Variants in ERC1 observed in about 807,000 individuals in gnomAD.
ERC1 encodes RAB6 interacting protein 2.
In ERC1, 56 loss-of-function variants were observed where a neutral mutation model predicts 132.0. The observed-to-expected ratio is 0.42, with a 90% confidence interval of 0.34 to 0.53. The LOEUF is 0.53. ERC1 is among the 20% of genes least tolerant of loss of function. ERC1 has a pLI of 0.03. For missense variants in ERC1, 1,202 were observed against 1,349.9 expected, an observed-to-expected ratio of 0.89 and a Z score of 1.72; for synonymous variants, 478 against 476.1, an observed-to-expected ratio of 1.00 and a Z score of -0.05.
intron 18 of ERC1, among the ~76,000 whole-genome samples, chr12:1,458,465 T>A (rs527808793): frequency 1.3e-5 from 2 of 152,206 alleles, no homozygotes; most frequent in East Asian, 3.9e-4. Context: ...GATTTAGATT[T>A]CTCTGTGTGT....
intron 15 of ERC1, among the ~76,000 whole-genome samples, chr12:1,354,160 T>C (rs1282315357): frequency 1.3e-5 from 2 of 152,102 alleles, no homozygotes; most frequent in South Asian, 2.1e-4. Flanking sequence ...CGGGTCCTGA[T>C]TGCAGGACTG....
chr12:1,397,339 C>G (rs951339738), intron 16 of ERC1, among the ~76,000 whole-genome samples: 1 of 152,094 alleles, frequency 6.6e-6, no homozygotes, highest in African/African-American at 2.4e-5. Flanking sequence ...TTCAAAAATA[C>G]AAAATAACAT....
At chr12:1,299,904 T>G (rs572674912) in intron 15 of ERC1, among the ~76,000 whole-genome samples, 34 of 152,302 alleles carry the variant, frequency 2.2e-4, no homozygotes, top group African/African-American at 7.7e-4. Flanking sequence ...AAAAATACAA[T>G]TTATTAAAAC....
Position 1,394,572 on chromosome 12 carries a change from TG to T in ERC1, c.2926-13572del, listed in dbSNP as rs551746425. Among the ~76,000 whole-genome samples the T allele has an allele frequency of 3.6e-3, 545 of 152,250 alleles. 1 individual carries two copies. The highest frequency in any genetic ancestry group is 0.013 in the African/African-American group (523 of 41,540). On this transcript the variant is annotated intron_variant, in intron 16 of 18. Coordinates refer to ENST00000360905, the MANE Select transcript of ERC1 (RefSeq NM_178040.4). ...AGGGGCCTGATGAGAGGTGATTGGA[TG>T]GGGGCAGCATTCCTCCCTGTTGTTC...
At chr12:1,457,621 T>G (rs949288870) in intron 18 of ERC1, among the ~76,000 whole-genome samples, 6 of 152,224 alleles carry the variant, frequency 3.9e-5, no homozygotes, top group African/African-American at 1.4e-4. Context: ...TCAACCATTT[T>G]TTTATACATT....
intron 17 of ERC1, among the ~76,000 whole-genome samples, chr12:1,432,174 A>T (rs1363051147): frequency 6.6e-6 from 1 of 152,200 alleles, no homozygotes; most frequent in Non-Finnish European, 1.5e-5. Context: ...GGCTTTGCAA[A>T]CTGTGTACTT....
intron 12 of ERC1, among the ~76,000 whole-genome samples, chr12:1,231,568 G>C (rs990534030): frequency 2.0e-5 from 3 of 152,006 alleles, no homozygotes; most frequent in East Asian, 3.9e-4. Context: ...TTTCAACTCA[G>C]CTCCCTTTAG....
chr12:1,424,135 A>G (rs564599050), intron 17 of ERC1, among the ~76,000 whole-genome samples: 1 of 152,200 alleles, frequency 6.6e-6, no homozygotes, highest in Non-Finnish European at 1.5e-5. Context: ...TCAGGAAGTT[A>G]GTTACCTCCA....
intron 15 of ERC1, among the ~76,000 whole-genome samples, chr12:1,368,161 G>A (rs1034863720): frequency 3.3e-5 from 5 of 151,696 alleles, no homozygotes; most frequent in South Asian, 2.1e-4. Context: ...CCCTTTCTGT[G>A]GATAGTCTTT....
chr12:1,141,305 A>G (rs1260898526), intron 7 of ERC1, among the ~76,000 whole-genome samples: 1 of 152,148 alleles, frequency 6.6e-6, no homozygotes, highest in Non-Finnish European at 1.5e-5. Context: ...TTCTAAAGCA[A>G]TGTAGCTTCA....
intron 8 of ERC1, among the ~76,000 whole-genome samples, chr12:1,157,119 G>T (rs1487757679): frequency 6.6e-6 from 1 of 151,768 alleles, no homozygotes; most frequent in Admixed American, 6.6e-5. Context: ...ATTTTTTTGA[G>T]AAAGGCTCTC....
chr12:1,141,718 T>A lies in ERC1; in HGVS notation c.1668T>A (p.Ala556=), dbSNP rs1173887017. Residue 556 remains alanine, a synonymous_variant, in exon 8 of 19, where the codon GCT becomes GCA. Coordinates refer to ENST00000360905, the MANE Select transcript of ERC1 (RefSeq NM_178040.4). ...QDMAEEKGTQ[A]GEIHDLKDML... ...TGGCTGAAGAGAAGGGGACACAAGC[T>A]GGAGAGATACATGACCTCAAGGACA... 1.2e-6 allele frequency: 2 copies of A among 1,613,188 alleles called. No homozygotes were observed. The highest frequency in any genetic ancestry group is 1.7e-6 in the Non-Finnish European group (2 of 1,179,594).
chr12:1,101,094 G>T (rs1199028834), intron 3 of ERC1, among the ~76,000 whole-genome samples: 1 of 152,082 alleles, frequency 6.6e-6, no homozygotes, highest in Non-Finnish European at 1.5e-5. Flanking sequence ...GCAATGTGGA[G>T]GTCGTCAGTG....
At chr12:1,372,074 C>A in intron 16 of ERC1, 97 bp downstream of exon 16, 2 of 1,348,114 alleles carry the variant, frequency 1.5e-6, no homozygotes, top group Non-Finnish European at 2.0e-6. Context: ...TCTCATGTTT[C>A]ATATTAGACA....
chr12:1,434,748 G>A (rs1056578758), intron 17 of ERC1, among the ~76,000 whole-genome samples: 3 of 152,180 alleles, frequency 2.0e-5, no homozygotes, highest in African/African-American at 7.2e-5. Flanking sequence ...CCTTAGGCTA[G>A]TCATGGTCCA....
In ERC1 at chr12:1,491,955, T is replaced by C. The variant is rs1290786942; in HGVS notation, c.*1725T>C. 4 of 232,586 alleles carry C rather than the reference T, an allele frequency of 1.7e-5. No homozygotes were observed. Among genetic ancestry groups the C allele is most frequent in the African/African-American group, 8.8e-5 (4 of 45,294 alleles). The allele number at this position is 232,586 out of a possible 1,614,324, so 14.4% of individuals were successfully genotyped here. On this transcript the variant is annotated 3_prime_UTR_variant, in exon 19 of 19. Coordinates refer to ENST00000360905, the MANE Select transcript of ERC1 (RefSeq NM_178040.4). Reference sequence around the variant, plus strand: ...CTGGACTCGATGTTTTTGTTTTGCATTTTCTCCTCTCCTTCCCCACTTACT... The same window carrying C: ...CTGGACTCGATGTTTTTGTTTTGCACTTTCTCCTCTCCTTCCCCACTTACT...
chr12:1,400,916 A>ATTATTATTTT (rs2090981093), intron 16 of ERC1, among the ~76,000 whole-genome samples: 2 of 15,040 alleles, frequency 1.3e-4, no homozygotes. Context: ...CTATTTTTGT[A>ATTATTATTTT]TTTTTTTTTT....
intron 16 of ERC1, among the ~76,000 whole-genome samples, chr12:1,381,472 TACACACGTGAGCCACC>T (rs2088657136): frequency 6.6e-6 from 1 of 152,174 alleles, no homozygotes; most frequent in Admixed American, 6.5e-5. Context: ...GTGCTGAGAT[TACACACGTGAGCCACC>T]ACAGCCGTCC....
intron 12 of ERC1, among the ~76,000 whole-genome samples, chr12:1,215,600 C>T (rs1455156897): frequency 6.6e-6 from 1 of 152,002 alleles, no homozygotes; most frequent in Admixed American, 6.6e-5. Context: ...TAGATACAGA[C>T]CCTTTAGCTC....
Sources: gnomAD v4.1 joint callset for allele counts (sites outside exome capture counted in the v4.1 genomes callset) on GRCh38, gnomAD v4.1.1 for gene constraint, MANE v1.5 for transcripts, NCBI Gene and HGNC (gene_info 2026-07-23, HGNC 2026-07-21) for gene names.